CHRNA7: variants seen among roughly 807,000 people sequenced by gnomAD.
CHRNA7 encodes neuronal acetylcholine receptor subunit alpha-7.
A neutral mutation model predicts 48.0 loss-of-function variants in CHRNA7; 17 were observed. That is an observed-to-expected ratio of 0.35 (90% CI 0.24 to 0.53). The LOEUF (loss-of-function observed/expected upper bound fraction) is 0.53. Ranked by LOEUF, CHRNA7 falls within the 20% of genes least tolerant of loss-of-function variation. CHRNA7 has a pLI of 0.92. For synonymous variants in CHRNA7, 75 were observed against 242.3 expected, an observed-to-expected ratio of 0.31 and a Z score of 6.41; for missense variants, 155 against 577.7, an observed-to-expected ratio of 0.27 and a Z score of 7.50.
intron 2 of CHRNA7, among the ~76,000 whole-genome samples, chr15:32,037,578 T>A (rs1902152617): frequency 1.3e-5 from 2 of 152,204 alleles, no homozygotes; most frequent in Admixed American, 1.3e-4. Context: ...GTTCTTCCTT[T>A]ATTTTGTTTG....
At chr15:32,030,824 C>A in intron 1 of CHRNA7, 74 bp from the exon 2 acceptor site, 1 of 1,543,464 alleles carries the variant, frequency 6.5e-7, no homozygotes, top group Non-Finnish European at 8.7e-7. Context: ...CGGCGGGGGA[C>A]GCCGGCAGGA....
At chr15:32,042,545 C>A (rs1203595897) in intron 2 of CHRNA7, among the ~76,000 whole-genome samples, 1 of 152,134 alleles carries the variant, frequency 6.6e-6, no homozygotes, top group Non-Finnish European at 1.5e-5. Context: ...ATGATTGAAT[C>A]CTTTTGGAAT....
At chr15:32,120,969 C>G (rs115015817) in intron 4 of CHRNA7, among the ~76,000 whole-genome samples, 2 of 152,052 alleles carry the variant, frequency 1.3e-5, no homozygotes, top group African/African-American at 4.8e-5. Context: ...GCCGCCACCC[C>G]GCCCCTTCCC....
At chr15:32,114,480 G>A (rs373881118) in intron 4 of CHRNA7, among the ~76,000 whole-genome samples, 2 of 152,204 alleles carry the variant, frequency 1.3e-5, no homozygotes, top group Admixed American at 6.5e-5. Flanking sequence ...GATCCTGCTC[G>A]TTCCTCTTTC....
chr15:32,090,940 G>A (rs1329693409), intron 2 of CHRNA7, among the ~76,000 whole-genome samples: 1 of 151,988 alleles, frequency 6.6e-6, no homozygotes, highest in Non-Finnish European at 1.5e-5. Flanking sequence ...ATCTTTCTGA[G>A]TTACATTTTA....
intron 2 of CHRNA7, among the ~76,000 whole-genome samples, chr15:32,034,934 C>T (rs78104195): frequency 0.014 from 2,184 of 152,100 alleles, 52 homozygotes; most frequent in African/African-American, 0.05. Context: ...TGAGACGGGT[C>T]AGAGAGGAGA....
chr15:32,096,601 T>C (rs918917170), intron 2 of CHRNA7, among the ~76,000 whole-genome samples: 1 of 152,094 alleles, frequency 6.6e-6, no homozygotes, highest in East Asian at 1.9e-4. Context: ...AGGTCTATTG[T>C]TATGTTTTTG....
intron 2 of CHRNA7, among the ~76,000 whole-genome samples, chr15:32,050,995 G>A (rs1229528190): frequency 2.6e-5 from 4 of 152,110 alleles, no homozygotes; most frequent in Non-Finnish European, 5.9e-5. Context: ...CTGTCTGATC[G>A]TTCCTCTGGA....
intron 4 of CHRNA7, among the ~76,000 whole-genome samples, chr15:32,142,988 C>G (rs985984585): frequency 9.9e-5 from 15 of 152,080 alleles, no homozygotes; most frequent in African/African-American, 3.4e-4. Context: ...TTTTGCTTCT[C>G]TAGTTCTTTT....
intron 4 of CHRNA7, among the ~76,000 whole-genome samples, chr15:32,126,930 G>A (rs2051076502): frequency 6.6e-6 from 1 of 152,118 alleles, no homozygotes; most frequent in African/African-American, 2.4e-5. Context: ...ATGCATTTTT[G>A]TGTAGTATAT....
At chr15:32,035,109 T>C (rs2141161331) in intron 2 of CHRNA7, among the ~76,000 whole-genome samples, 1 of 152,344 alleles carries the variant, frequency 6.6e-6, no homozygotes, top group Middle Eastern at 3.4e-3. Context: ...AGTGCCTAAA[T>C]TATTCTTATA....
At chr15:32,124,059 G>A (rs373019527) in intron 4 of CHRNA7, among the ~76,000 whole-genome samples, 1 of 150,192 alleles carries the variant, frequency 6.7e-6, no homozygotes, top group East Asian at 2.0e-4. Flanking sequence ...AAATTCAAAT[G>A]GATTTAAATC....
At chr15:32,126,601 T>C (rs1422753899) in intron 4 of CHRNA7, among the ~76,000 whole-genome samples, 2 of 152,200 alleles carry the variant, frequency 1.3e-5, no homozygotes, top group Non-Finnish European at 2.9e-5. Context: ...CTACTTAATA[T>C]ATTTTATGTG....
At chr15:32,066,820 A>G (rs1251715215) in intron 2 of CHRNA7, among the ~76,000 whole-genome samples, 1 of 152,174 alleles carries the variant, frequency 6.6e-6, no homozygotes, top group Non-Finnish European at 1.5e-5. Flanking sequence ...TATCTCACCA[A>G]ATAAATAATG....
chr15:32,115,044 A>G (rs1449401024), intron 4 of CHRNA7, among the ~76,000 whole-genome samples: 1 of 152,212 alleles, frequency 6.6e-6, no homozygotes, highest in Non-Finnish European at 1.5e-5. Flanking sequence ...GTGCTCTGAC[A>G]GGAAGGAAGG....
At position 32,149,118 on chromosome 15, in the gene CHRNA7, G is replaced by A. The variant is rs79403353; in HGVS notation, c.351-4789G>A. Among the ~76,000 whole-genome samples, 505 of 152,326 alleles carry A rather than the reference G, an allele frequency of 3.3e-3. 1 individual carries two copies. Among genetic ancestry groups the A allele is most frequent in the African/African-American group, 0.011 (477 of 41,572 alleles). ...AGATAAAGGCAGCTCCTGCAAGGAC[G>A]GAGAGGCCACAGGCCGGCATCTTCA... is the stretch of plus-strand genomic sequence containing the variant. On this transcript the variant is annotated intron_variant, in intron 4 of 9. Coordinates refer to ENST00000306901, the MANE Select transcript of CHRNA7 (RefSeq NM_000746.6). The surrounding 1 kb of genome is among the most constrained non-coding windows in gnomAD (Gnocchi z 4.6).
In CHRNA7 at chr15:32,147,887, A is replaced by G. The variant is rs561998122; in HGVS notation, c.351-6020A>G. Among the ~76,000 whole-genome samples, 21 of 152,280 alleles carry G rather than the reference A, an allele frequency of 1.4e-4. No individual in the cohort carries two copies. In the South Asian group the frequency reaches 1.9e-3, roughly 14 times the overall value. On this transcript the variant is annotated intron_variant, in intron 4 of 9. Transcript: ENST00000306901. Reference sequence around the variant, plus strand: ...TCAACAGCCTTGCTTTCCCTCTGCAATCTGGGCATTGCTTCCGTCAGTGGT... The same window carrying G: ...TCAACAGCCTTGCTTTCCCTCTGCAGTCTGGGCATTGCTTCCGTCAGTGGT...
chr15:32,132,219 G>A (rs2051168863), intron 4 of CHRNA7, among the ~76,000 whole-genome samples: 2 of 152,108 alleles, frequency 1.3e-5, no homozygotes, highest in Non-Finnish European at 2.9e-5. Flanking sequence ...TGACCATTTG[G>A]CGAGAGAGGG....
chr15:32,088,579 TC>T (rs2050335266), intron 2 of CHRNA7, among the ~76,000 whole-genome samples: 1 of 152,188 alleles, frequency 6.6e-6, no homozygotes, highest in African/African-American at 2.4e-5. Flanking sequence ...TTGCTCCCCA[TC>T]CTCCCAGCAA....
Sources: allele counts gnomAD v4.1 joint callset (sites outside exome capture counted in the v4.1 genomes callset), GRCh38; gene constraint gnomAD v4.1.1; non-coding constraint Gnocchi (gnomAD v3.1); transcripts MANE v1.5; gene names NCBI Gene and HGNC (gene_info 2026-07-23, HGNC 2026-07-21).